Variants in RTN1 observed in about 807,000 individuals in gnomAD.
RTN1 encodes the protein reticulon 1.
In RTN1, 25 loss-of-function variants were observed where a neutral mutation model predicts 65.5. That is an observed-to-expected ratio of 0.38 (90% CI 0.28 to 0.53). The LOEUF (loss-of-function observed/expected upper bound fraction) is 0.53. Ranked by LOEUF, RTN1 falls within the 20% of genes least tolerant of loss-of-function variation. RTN1 has a pLI of 0.79. For synonymous variants in RTN1, 471 were observed against 447.6 expected (o/e 1.05, Z -0.66); for missense variants, 983 against 1,025.4 (o/e 0.96, Z 0.57).
chr14:59,675,469 G>A (rs1328827007), intron 3 of RTN1, among the ~76,000 whole-genome samples: 1 of 149,750 alleles, frequency 6.7e-6, no homozygotes, highest in Non-Finnish European at 1.5e-5. Flanking sequence ...ATAATTTATT[G>A]AGCACTTACT....
chr14:59,671,276 G>T (rs899892407), intron 3 of RTN1, among the ~76,000 whole-genome samples: 1 of 152,174 alleles, frequency 6.6e-6, no homozygotes, highest in Non-Finnish European at 1.5e-5. Flanking sequence ...TGTGGAAAAG[G>T]ATTCTTTCTT....
chr14:59,832,364 T>C (rs567051380), intron 1 of RTN1, among the ~76,000 whole-genome samples: 9 of 152,266 alleles, frequency 5.9e-5, no homozygotes, highest in East Asian at 1.9e-4. Context: ...AATATGGCTG[T>C]GGTGCAGGAT....
chr14:59,869,578 G>T (rs1887855796), intron 1 of RTN1, among the ~76,000 whole-genome samples: 1 of 86,356 alleles, frequency 1.2e-5, no homozygotes, highest in Admixed American at 1.1e-4. Context: ...AATTTCCGGG[G>T]TGGGGGGGGG....
Position 59,764,078 on chromosome 14 carries a change from G to A in RTN1, c.242-17597C>T, listed in dbSNP as rs1465378725. Among the ~76,000 whole-genome samples, 3 of 152,082 alleles carry A rather than the reference G, an allele frequency of 2.0e-5. 1 individual carries two copies. Among genetic ancestry groups the A allele is most frequent in the Non-Finnish European group, 2.9e-5 (2 of 68,008 alleles). The stretch of plus-strand genomic sequence containing the variant: ...CAGAACTAATAGCAAAACCAAAGGT[G>A]AAGTAATGAGTGGGAAGGAATCCGT... On this transcript the variant is annotated intron_variant, in intron 1 of 8. Transcript: ENST00000267484.
At position 59,836,110 on chromosome 14, in the gene RTN1, T is replaced by C. The variant is rs78212878; in HGVS notation, c.241+34280A>G. Among the ~76,000 whole-genome samples, 639 of 152,318 alleles carry C rather than the reference T, an allele frequency of 4.2e-3. 6 individuals carry two copies. The highest frequency in any genetic ancestry group is 0.014 in the African/African-American group (583 of 41,570). On this transcript the variant is annotated intron_variant, in intron 1 of 8. Coordinates refer to ENST00000267484, the MANE Select transcript of RTN1 (RefSeq NM_021136.3). This position sits in a 1 kb window ranked among gnomAD's most constrained non-coding sequence, Gnocchi z 4.9. ...TTCCCTCTTAGAAGGACCCTCGTGA[T>C]TGCACTGGGACCACCTGGATAATCG...
At chr14:59,798,039 G>A (rs568484688) in intron 1 of RTN1, among the ~76,000 whole-genome samples, 2 of 152,304 alleles carry the variant, frequency 1.3e-5, no homozygotes, top group East Asian at 3.9e-4. Context: ...AACAGAAAGA[G>A]CAGAGTCATG....
intron 3 of RTN1, among the ~76,000 whole-genome samples, chr14:59,695,587 C>T (rs567132574): frequency 1.5e-3 from 227 of 152,258 alleles, no homozygotes; most frequent in South Asian, 8.9e-3. Context: ...GAACCAAACC[C>T]TGATGTATTG....
At chr14:59,751,995 C>T (rs56397476) in intron 1 of RTN1, among the ~76,000 whole-genome samples, 1,778 of 152,252 alleles carry the variant, frequency 0.012, 34 homozygotes, top group African/African-American at 0.04. Flanking sequence ...GCTTTTCTAG[C>T]CCTGTCTTCC....
At chr14:59,820,918 T>A (rs1162669166) in intron 1 of RTN1, among the ~76,000 whole-genome samples, 2 of 152,232 alleles carry the variant, frequency 1.3e-5, no homozygotes, top group African/African-American at 4.8e-5. Flanking sequence ...TGTAGTCTTG[T>A]AGTAGAGATT....
intron 1 of RTN1, among the ~76,000 whole-genome samples, chr14:59,775,541 C>T (rs1886035502): frequency 1.3e-5 from 2 of 152,106 alleles, no homozygotes; most frequent in South Asian, 4.1e-4. Flanking sequence ...CCGTCTAAAT[C>T]CTCTACAAGT....
intron 1 of RTN1, among the ~76,000 whole-genome samples, chr14:59,814,189 G>A (rs952130713): frequency 3.9e-5 from 6 of 152,142 alleles, no homozygotes; most frequent in African/African-American, 1.4e-4. Context: ...AAAAGTGAGG[G>A]AAAGAAGGCA....
At chr14:59,640,524 C>T (rs1389975630) in intron 3 of RTN1, among the ~76,000 whole-genome samples, 1 of 152,110 alleles carries the variant, frequency 6.6e-6, no homozygotes, top group Non-Finnish European at 1.5e-5. Context: ...ACCATCTTGG[C>T]CAGGATGGTC....
At chr14:59,770,806 G>A (rs944718476) in intron 1 of RTN1, among the ~76,000 whole-genome samples, 1 of 152,168 alleles carries the variant, frequency 6.6e-6, no homozygotes. Flanking sequence ...TGTAATCCCA[G>A]CACTTTGGGA....
At chr14:59,786,831 C>T (rs1178608491) in intron 1 of RTN1, among the ~76,000 whole-genome samples, 2 of 152,088 alleles carry the variant, frequency 1.3e-5, no homozygotes, top group Non-Finnish European at 2.9e-5. Context: ...TATTGGCTTG[C>T]CTGGGACTGT....
At chr14:59,728,822 A>G (rs1313217015) in intron 2 of RTN1, among the ~76,000 whole-genome samples, 1 of 152,232 alleles carries the variant, frequency 6.6e-6, no homozygotes, top group African/African-American at 2.4e-5. Flanking sequence ...TGAGAACCTA[A>G]TATGTGTTAG....
Position 59,603,872 on chromosome 14 carries a change from C to T in RTN1, c.2162G>A (p.Gly721Asp). 1 of 1,611,568 alleles carries T rather than the reference C, an allele frequency of 6.2e-7. No individual in the cohort carries two copies. Among genetic ancestry groups the T allele is most frequent in the Non-Finnish European group, 8.5e-7 (1 of 1,178,228 alleles). ...CTTACCCATGAGCAGCAGGGTCAGG[C>T]CATTGAAGAGAGCGCCAACGTAGGT... ...LLTYVGALFN[G>D]LTLLLMAVVS... is the part of the protein sequence containing the mutation. The change falls in exon 6 of 9, where the codon GGC becomes GAC. Residue 721 changes from glycine to aspartate, a missense_variant. Around this residue, in one of 2 missense-constraint regions of RTN1, gnomAD observed 165 missense variants for 223.6 expected, o/e 0.74. Transcript: ENST00000267484.
At chr14:59,685,440 CTG>C (rs920877452) in intron 3 of RTN1, among the ~76,000 whole-genome samples, 11 of 152,154 alleles carry the variant, frequency 7.2e-5, no homozygotes, top group African/African-American at 2.7e-4. Context: ...ACCAAAAAAA[CTG>C]TTAGATCTAA....
At chr14:59,844,818 T>C (rs1211382017) in intron 1 of RTN1, among the ~76,000 whole-genome samples, 1 of 152,242 alleles carries the variant, frequency 6.6e-6, no homozygotes, top group Admixed American at 6.5e-5. Flanking sequence ...ATTGTTTTAT[T>C]AATAAATTGT....
intron 1 of RTN1, among the ~76,000 whole-genome samples, chr14:59,749,440 A>G (rs1395451728): frequency 9.8e-6 from 1 of 102,444 alleles, no homozygotes; most frequent in African/African-American, 4.2e-5. Context: ...ATATATATCT[A>G]TATCTATATA....
Sources: allele counts gnomAD v4.1 joint callset (sites outside exome capture counted in the v4.1 genomes callset), GRCh38; gene constraint gnomAD v4.1.1; regional missense constraint gnomAD v4.1.1; non-coding constraint Gnocchi (gnomAD v3.1); transcripts MANE v1.5; gene names NCBI Gene and HGNC (gene_info 2026-07-23, HGNC 2026-07-21).